KYAT1: variants seen among roughly 807,000 people sequenced by gnomAD.
The protein encoded by KYAT1 is kynurenine--oxoglutarate transaminase 1.
Under a neutral mutation model 52.4 loss-of-function variants are expected in KYAT1, and 47 were observed. The observed-to-expected ratio is 0.90, with a 90% CI of 0.71 to 1.14. The LOEUF (loss-of-function observed/expected upper bound fraction) is 1.14. KYAT1 is among the 50% of genes most tolerant of loss of function. The probability of loss-of-function intolerance (pLI) is 0.00; values close to 1 mark genes in which losing one functional copy is unlikely to be tolerated. For missense variants in KYAT1, 480 were observed against 557.9 expected, an observed-to-expected ratio of 0.86 and a Z score of 1.41; for synonymous variants, 212 against 209.6, an observed-to-expected ratio of 1.01 and a Z score of -0.10.
chr9:128,867,626 T>C (rs1380128547), intron 1 of KYAT1, among the ~76,000 whole-genome samples: 1 of 152,202 alleles, frequency 6.6e-6, no homozygotes, highest in Non-Finnish European at 1.5e-5. Flanking sequence ...TGTATCACAA[T>C]ATCACTGTAT....
chr9:128,860,001 T>C (rs1482402295), intron 1 of KYAT1: 2 of 152,112 alleles, frequency 1.3e-5, no homozygotes, highest in African/African-American at 4.8e-5. Flanking sequence ...GAGGTGCCAG[T>C]AGCGTGGCTC....
intron 1 of KYAT1, among the ~76,000 whole-genome samples, chr9:128,863,550 T>C (rs1377251969): frequency 1.3e-5 from 2 of 149,696 alleles, no homozygotes; most frequent in Non-Finnish European, 3.0e-5. Context: ...TGTGTCTGTG[T>C]CTGTGAGCTT....
intron 1 of KYAT1, among the ~76,000 whole-genome samples, chr9:128,845,869 T>C (rs1346889526): frequency 2.0e-5 from 3 of 152,196 alleles, no homozygotes; most frequent in African/African-American, 7.2e-5. Context: ...TTTCATTCCC[T>C]GAATGACCTG....
intron 5 of KYAT1, 76 bp from the exon 6 acceptor site, chr9:128,837,889 C>A: frequency 6.4e-7 from 1 of 1,560,560 alleles, no homozygotes; most frequent in South Asian, 1.1e-5. Flanking sequence ...CTATCCCCAC[C>A]TTCTCTCCCC....
intron 1 of KYAT1, chr9:128,847,426 C>T (rs1235025615): frequency 6.5e-7 from 1 of 1,530,464 alleles, no homozygotes; most frequent in East Asian, 2.4e-5. Flanking sequence ...GGGGTTAGGG[C>T]ACTTACAGTC....
In KYAT1 at chr9:128,845,379, C is replaced by A. The variant is rs1299305781; in HGVS notation, c.27G>T (p.Arg9Ser). The A allele has an allele frequency of 1.2e-6, 2 of 1,613,906 alleles. No individual in the cohort carries two copies. Among genetic ancestry groups the A allele is most frequent in the Non-Finnish European group, 1.7e-6 (2 of 1,179,996 alleles). Residue 9 changes from arginine to serine, a missense_variant, in exon 2 of 13, where the codon AGG (arginine) becomes AGT (serine). Coordinates refer to ENST00000302586, the MANE Select transcript of KYAT1 (RefSeq NM_004059.5). ...AGGGGTTGTAGTCGATCCCGTCTAG[C>A]CTTCGGGCCTGCAGCTGTTTGGCCA... MAKQLQAR[R>S]LDGIDYNPWV...
rs766284514 is a variant in KYAT1 at position 128,837,730 on chromosome 9, G to T, written c.522C>A (p.Arg174=). 3.1e-6 allele frequency: 5 copies of T among 1,614,012 alleles called. No individual in the cohort carries two copies. The change falls in exon 6 of 13, where the codon CGC becomes CGA. Residue 174 remains arginine, a synonymous_variant. Transcript: ENST00000302586. The part of the protein sequence containing the change: ...PMELAGKFTS[R]TKALVLNTPN... Reference sequence around the variant, plus strand: ...GGGTGTTGAGGACCAGGGCTTTGGTGCGTGATGTGAATTTGCCGGCCAGCT... The same window carrying T: ...GGGTGTTGAGGACCAGGGCTTTGGTTCGTGATGTGAATTTGCCGGCCAGCT...
chr9:128,847,398 T>C, intron 1 of KYAT1: 1 of 1,401,296 alleles, frequency 7.1e-7, no homozygotes, highest in Non-Finnish European at 9.7e-7. Flanking sequence ...CCCCAGGCCA[T>C]GCAGGTGGCA....
chr9:128,874,731 T>C (rs963179154), intron 1 of KYAT1, among the ~76,000 whole-genome samples: 4 of 136,666 alleles, frequency 2.9e-5, no homozygotes, highest in South Asian at 2.3e-4. Context: ...CCTTTTTTTT[T>C]TTTTTTTTTT....
chr9:128,882,463 G>A (rs1391886552), upstream of KYAT1: 1 of 366,906 alleles, frequency 2.7e-6, no homozygotes, highest in African/African-American at 2.1e-5. Context: ...CCGGCTCCGC[G>A]GCGCGCGAGC....
chr9:128,874,253 T>C (rs1365757188), intron 1 of KYAT1, among the ~76,000 whole-genome samples: 1 of 147,360 alleles, frequency 6.8e-6, no homozygotes, highest in Non-Finnish European at 1.5e-5. Context: ...TGAAACTTCA[T>C]TCCAAAAAAA....
At chr9:128,846,622 A>ATG in intron 1 of KYAT1, 3 of 1,026,744 alleles carry the variant, frequency 2.9e-6, no homozygotes, top group Middle Eastern at 2.2e-4. Context: ...AAAAAAAAAA[A>ATG]AAAGAAAGAA....
intron 1 of KYAT1, chr9:128,847,620 G>C: frequency 1.4e-6 from 1 of 705,938 alleles, no homozygotes; most frequent in Non-Finnish European, 2.4e-6. Context: ...CCGAGCTCAG[G>C]ACTTGGGTCC....
chr9:128,844,427 T>C (rs1176815699), intron 2 of KYAT1, among the ~76,000 whole-genome samples: 1 of 151,266 alleles, frequency 6.6e-6, no homozygotes, highest in Non-Finnish European at 1.5e-5. Context: ...ATGCCTGTAA[T>C]CCCAGTACTT....
At chr9:128,840,726 A>G in intron 3 of KYAT1, 1 of 419,402 alleles carries the variant, frequency 2.4e-6, no homozygotes, top group Non-Finnish European at 4.7e-6. Context: ...TTATTTACTT[A>G]GTTGTTTGTT....
At position 128,878,732 on chromosome 9, in the gene KYAT1, G is replaced by A. The variant is rs567189680; in HGVS notation, c.-7+3165C>T. The stretch of plus-strand genomic sequence containing the variant: ...GACGGCAGGTTTACAGGCTGGAGGG[G>A]TTGGTGGAAGACCTGAGTGACACAA... On this transcript the variant is annotated intron_variant, in intron 1 of 12. Coordinates refer to ENST00000302586, the MANE Select transcript of KYAT1 (RefSeq NM_004059.5). Among the ~76,000 whole-genome samples the A allele has an allele frequency of 4.6e-5, 7 of 152,294 alleles. No individual in the cohort carries two copies. In the East Asian group the frequency reaches 1.4e-3, roughly 29 times the overall value.
intron 6 of KYAT1, 104 bp downstream of exon 6, chr9:128,837,581 C>G: frequency 2.9e-6 from 4 of 1,361,544 alleles, no homozygotes; most frequent in Non-Finnish European, 4.1e-6. Context: ...GTGGCCCTCC[C>G]ACACACAAAC....
At chr9:128,869,275 C>T (rs977514326) in intron 1 of KYAT1, among the ~76,000 whole-genome samples, 4 of 152,122 alleles carry the variant, frequency 2.6e-5, no homozygotes, top group African/African-American at 9.7e-5. Context: ...CATTCTCCTG[C>T]CTCAGCCTCC....
chr9:128,837,909 A>AAC (rs922429997), intron 5 of KYAT1, 96 bp from the exon 6 acceptor site: 2 of 1,506,144 alleles, frequency 1.3e-6, no homozygotes, highest in African/African-American at 2.7e-5. Context: ...CTGGGATCCC[A>AAC]ACACACACAC....
Sources: gnomAD v4.1 joint callset for allele counts (sites outside exome capture counted in the v4.1 genomes callset) on GRCh38, gnomAD v4.1.1 for gene constraint, MANE v1.5 for transcripts, NCBI Gene and HGNC (gene_info 2026-07-23, HGNC 2026-07-21) for gene names.